Variants in SFTPC observed in about 807,000 individuals in gnomAD.
SFTPC encodes the protein BRICHOS domain containing 6.
In SFTPC, 12 loss-of-function variants were observed where a neutral mutation model predicts 19.9. That is an observed-to-expected ratio of 0.60 (90% CI 0.39 to 0.98). The LOEUF (loss-of-function observed/expected upper bound fraction) is 0.98. SFTPC is among the 50% of genes least tolerant of loss of function. The pLI is 0.00. For missense variants in SFTPC, 219 were observed against 252.2 expected (o/e 0.87, Z 0.89); for synonymous variants, 123 against 103.3 (o/e 1.19, Z -1.16).
In SFTPC at chr8:22,163,534, C is replaced by A; in HGVS notation, c.423C>A (p.Val141=). ...IPSLEALTRK[V]HNFQAKPAVP... is the part of the protein sequence containing the mutation. ...GTCTTGAGGCTCTCACTAGAAAAGT[C>A]CACAACTTCCAGGTGTGTGTGTGTG... Residue 141 remains valine (V), a synonymous_variant, in exon 4 of 6, where the codon GTC becomes GTA. Transcript: ENST00000679463. 1.9e-6 allele frequency: 3 copies of A among 1,609,648 alleles called. No homozygotes were observed. The highest frequency in any genetic ancestry group is 2.6e-6 in the Non-Finnish European group (3 of 1,176,164).
upstream of SFTPC, chr8:22,161,518 A>G: frequency 1.8e-6 from 1 of 542,608 alleles, no homozygotes; most frequent in South Asian, 2.0e-5. Flanking sequence ...GAAGGCAGGC[A>G]CGCCAGGAAG....
rs1827950200 is a variant in SFTPC at position 22,164,392 on chromosome 8, G to A, written c.*145G>A. 3 of 1,531,510 alleles carry A rather than the reference G, an allele frequency of 2.0e-6. No homozygotes were observed. The highest frequency in any genetic ancestry group is 2.0e-5 in the Admixed American group (1 of 50,046). 94.9% of individuals were successfully genotyped at this position (1,531,510 alleles called of 1,614,324 possible). Reference sequence around the variant, plus strand: ...CAAGCCCTGGAGAAATGGGAGCTTGGGGAGAGGATGGGAGTGGGCAGAGGT... The same window carrying A: ...CAAGCCCTGGAGAAATGGGAGCTTGAGGAGAGGATGGGAGTGGGCAGAGGT... On this transcript the variant is annotated 3_prime_UTR_variant, in exon 6 of 6. Transcript: ENST00000679463.
At chr8:22,163,323 C>T (rs1487795640) in intron 3 of SFTPC, 113 bp from the exon 4 acceptor site, 1 of 1,538,006 alleles carries the variant, frequency 6.5e-7, no homozygotes, top group East Asian at 2.3e-5. Context: ...TTGCCTGAGC[C>T]CCAGATTCTA....
chr8:22,161,964 C>A, intron 1 of SFTPC, 94 bp downstream of exon 1: 2 of 1,290,382 alleles, frequency 1.5e-6, no homozygotes, highest in Non-Finnish European at 2.2e-6. Flanking sequence ...GTTTCCTTAT[C>A]CAGATCCATT....
At chr8:22,160,819 G>A (rs1827686316), upstream of SFTPC, among the ~76,000 whole-genome samples, 1 of 152,178 alleles carries the variant, frequency 6.6e-6, no homozygotes, top group Non-Finnish European at 1.5e-5. Context: ...GATGGCTTTG[G>A]GAAGGCACTA....
rs371013652 is a variant in SFTPC at position 22,163,937 on chromosome 8, G to A, written c.472G>A (p.Ala158Thr). 40 of 1,613,724 alleles carry A rather than the reference G, an allele frequency of 2.5e-5. No individual in the cohort carries two copies. The highest frequency in any genetic ancestry group is 1.7e-4 in the Middle Eastern group (1 of 5,952). ...PAVPTSKLGQ[A>T]EGRDAGSAPS... ...AGTGCCTACGTCTAAGCTGGGCCAG[G>A]CAGAGGGGCGAGATGCAGGCTCAGC... The change falls in exon 5 of 6, where the codon GCA becomes ACA. Residue 158 changes from alanine (A) to threonine (T), a missense_variant. Transcript: ENST00000679463.
rs1275632800 is a variant in SFTPC, at chr8:22,164,404, G to C, written c.*157G>C. 6.5e-7 allele frequency: 1 copy of C among 1,527,848 alleles called. No homozygotes were observed. Among genetic ancestry groups the C allele is most frequent in the South Asian group, 1.2e-5 (1 of 83,250 alleles). 94.6% of individuals were successfully genotyped at this position (1,527,848 alleles called of 1,614,324 possible). A position where few individuals can be genotyped will look rare whatever the true frequency, so the allele number is the denominator to read the frequency against. On this transcript the variant is annotated 3_prime_UTR_variant, in exon 6 of 6. Transcript: ENST00000679463. ...AAATGGGAGCTTGGGGAGAGGATGGGAGTGGGCAGAGGTGGCGCCCAGGGG... is the reference window on the plus strand; with the variant it reads ...AAATGGGAGCTTGGGGAGAGGATGGCAGTGGGCAGAGGTGGCGCCCAGGGG...
intron 4 of SFTPC, 144 bp downstream of exon 4, chr8:22,163,690 G>C (rs141424321): frequency 1.3e-6 from 1 of 796,220 alleles, no homozygotes; most frequent in South Asian, 1.4e-5. Context: ...TCCCCTGCAC[G>C]ACTCCTTTCC....
At position 22,163,460 on chromosome 8, in the gene SFTPC, C is replaced by T. The variant is rs1827855203; in HGVS notation, c.349C>T (p.Pro117Ser). The T allele has an allele frequency of 6.2e-7, 1 of 1,614,056 alleles. No individual in the cohort carries two copies. Among genetic ancestry groups the T allele is most frequent in the Non-Finnish European group, 8.5e-7 (1 of 1,179,978 alleles). ...QQLLIAYKPA[P>S]GTCCYIMKIA... The stretch of plus-strand genomic sequence containing the variant: ...GCTGCTGATCGCCTACAAGCCAGCC[C>T]CTGGCACCTGCTGCTACATCATGAA... The change falls in exon 4 of 6, where the codon CCT (proline) becomes TCT (serine). Residue 117 changes from proline (P) to serine (S), a missense_variant. Coordinates refer to ENST00000679463, the MANE Select transcript of SFTPC (RefSeq NM_001317778.2).
In SFTPC at chr8:22,163,621, A is replaced by G. The variant is rs569011144; in HGVS notation, c.435+75A>G. Reference sequence around the variant, plus strand: ...TGGGAGGAGTGTCCGAATGGTGGCTATTTGTCACCTGTAAAGCACTGTTCC... The same window carrying G: ...TGGGAGGAGTGTCCGAATGGTGGCTGTTTGTCACCTGTAAAGCACTGTTCC... On this transcript the variant is annotated intron_variant, in intron 4 of 5. Transcript: ENST00000679463. 2.8e-5 allele frequency: 29 copies of G among 1,029,384 alleles called. No individual in the cohort carries two copies. The African/African-American group carries it at 3.3e-4, about 12-fold the overall frequency. The allele number at this position is 1,029,384 out of a possible 1,614,324, so 63.8% of individuals were successfully genotyped here.
upstream of SFTPC, among the ~76,000 whole-genome samples, chr8:22,161,196 G>C (rs537753681): frequency 2.3e-4 from 35 of 152,334 alleles, no homozygotes; most frequent in South Asian, 7.3e-3. Context: ...CTGGGGGCAA[G>C]TTTGAGGTTG....
At position 22,163,505 on chromosome 8, in the gene SFTPC, C is replaced by A. The variant is rs1410189595; in HGVS notation, c.394C>A (p.Pro132Thr). 1.2e-6 allele frequency: 2 copies of A among 1,613,798 alleles called. No homozygotes were observed. Among genetic ancestry groups the A allele is most frequent in the Non-Finnish European group, 1.7e-6 (2 of 1,179,924 alleles). The part of the protein sequence containing the change: ...YIMKIAPESI[P>T]SLEALTRKVH... ...CATGAAGATAGCTCCAGAGAGCATC[C>A]CCAGTCTTGAGGCTCTCACTAGAAA... The change falls in exon 4 of 6, where the codon CCC becomes ACC. Residue 132 changes from proline (P) to threonine (T), a missense_variant. Pro to Thr is a conservative substitution (Grantham distance 38). Transcript: ENST00000679463.
intron 2 of SFTPC, 146 bp from the exon 3 acceptor site, chr8:22,162,934 C>A: frequency 2.2e-6 from 3 of 1,346,438 alleles, no homozygotes; most frequent in Admixed American, 3.4e-5. Context: ...ACAGCCAGCT[C>A]CCTCCAGCAC....
intron 2 of SFTPC, 91 bp downstream of exon 2, chr8:22,162,823 G>C (rs1195587937): frequency 6.5e-7 from 1 of 1,534,272 alleles, no homozygotes; most frequent in Non-Finnish European, 9.0e-7. Context: ...TCCAAGGGGA[G>C]TGGAGGGGAG....
upstream of SFTPC, chr8:22,159,703 C>CGATG: frequency 9.5e-7 from 1 of 1,050,736 alleles, no homozygotes; most frequent in Non-Finnish European, 1.3e-6. Flanking sequence ...CAGCACCCAG[C>CGATG]GATGGCGGCA....
upstream of SFTPC, among the ~76,000 whole-genome samples, chr8:22,158,160 C>T (rs999420280): frequency 3.9e-5 from 6 of 152,308 alleles, no homozygotes; most frequent in South Asian, 4.1e-4. Context: ...GTCCAGGGAA[C>T]GAAGACCACT....
chr8:22,161,545 G>T (rs1176301918), upstream of SFTPC: 2 of 696,788 alleles, frequency 2.9e-6, no homozygotes, highest in Non-Finnish European at 4.5e-6. Context: ...ATGGTGAGAA[G>T]TGCAGATGGC....
In SFTPC at chr8:22,164,430, C is replaced by T. The variant is rs1417096602; in HGVS notation, c.*183C>T. On this transcript the variant is annotated 3_prime_UTR_variant, in exon 6 of 6. Transcript: ENST00000679463. ...AGTGGGCAGAGGTGGCGCCCAGGGG[C>T]CCGGGAACTCCTGCCACAACAGAAT... 4 of 1,490,436 alleles carry T rather than the reference C, an allele frequency of 2.7e-6. No homozygotes were observed. In the African/African-American group the frequency reaches 5.6e-5, roughly 21 times the overall value. 92.3% of individuals were successfully genotyped at this position (1,490,436 alleles called of 1,614,324 possible). A position where few individuals can be genotyped will look rare whatever the true frequency, so the allele number is the denominator to read the frequency against.
chr8:22,162,555 G>A lies in SFTPC; in HGVS notation c.43-19G>A, dbSNP rs1827785983. 1 of 1,612,962 alleles carries A rather than the reference G, an allele frequency of 6.2e-7. No homozygotes were observed. The highest frequency in any genetic ancestry group is 1.3e-5 in the African/African-American group (1 of 75,000). ...CTCATGACCTCATGCCTGTCTCCTTGCCTGCCCCACCGTGTCAGGACTACT... is the reference window on the plus strand; with the variant it reads ...CTCATGACCTCATGCCTGTCTCCTTACCTGCCCCACCGTGTCAGGACTACT... On this transcript the variant is annotated intron_variant, in intron 1 of 5. Transcript: ENST00000679463.
Sources: allele counts gnomAD v4.1 joint callset (sites outside exome capture counted in the v4.1 genomes callset), GRCh38; gene constraint gnomAD v4.1.1; transcripts MANE v1.5; gene names NCBI Gene and HGNC (gene_info 2026-07-23, HGNC 2026-07-21).